CD47: variants seen among roughly 807,000 people sequenced by gnomAD.
The protein encoded by CD47 is leukocyte surface antigen CD47.
Under a neutral mutation model 44.6 loss-of-function variants are expected in CD47, and 11 were observed. The ratio of observed to expected loss-of-function variants is 0.25; its 90% CI spans 0.16 to 0.41. CD47 has a LOEUF of 0.41. Ranked by LOEUF, CD47 falls within the 10% of genes least tolerant of loss-of-function variation. The pLI, the probability that CD47 is intolerant of heterozygous loss-of-function variation, is 1.00. For synonymous variants in CD47, 140 were observed against 136.3 expected (o/e 1.03, Z -0.19); for missense variants, 306 against 386.7 (o/e 0.79, Z 1.75).
intron 1 of CD47, among the ~76,000 whole-genome samples, 181 bp from the exon 2 acceptor site, chr3:108,080,525 T>C (rs1577014692): frequency 6.6e-6 from 1 of 151,848 alleles, no homozygotes; most frequent in East Asian, 1.9e-4. Flanking sequence ...TAATATTAAC[T>C]TGCACAGCTG....
chr3:108,066,544 T>C (rs529675605), intron 3 of CD47, among the ~76,000 whole-genome samples: 3 of 152,372 alleles, frequency 2.0e-5, no homozygotes, highest in African/African-American at 7.2e-5. Context: ...GACTAGTCAC[T>C]GTACATCTGA....
chr3:108,086,936 T>C (rs1315309594), intron 1 of CD47, among the ~76,000 whole-genome samples: 1 of 152,158 alleles, frequency 6.6e-6, no homozygotes, highest in Non-Finnish European at 1.5e-5. Flanking sequence ...CTTCTGAAGC[T>C]GGATGACGGA....
At position 108,046,030 on chromosome 3, in the gene CD47, C is replaced by CA. The variant is rs1168318910; in HGVS notation, c.*1257dup. On this transcript the variant is annotated 3_prime_UTR_variant, in exon 11 of 11. Transcript: ENST00000361309. ...GTATGCACATACAAACACACATCCA[C>CA]AAACAGGTAAAAAACGAATGCTAAA... The CA allele has an allele frequency of 6.6e-6, 1 of 152,214 alleles. No individual in the cohort carries two copies. The highest frequency in any genetic ancestry group is 1.5e-5 in the Non-Finnish European group (1 of 68,044). The allele number at this position is 152,214 out of a possible 1,614,324, so 9.4% of individuals were successfully genotyped here.
chr3:108,088,635 C>A (rs12486124), intron 1 of CD47, among the ~76,000 whole-genome samples: 16,339 of 149,588 alleles, frequency 0.11, 1,514 homozygotes, highest in East Asian at 0.54. Flanking sequence ...AAAAAAAAAA[C>A]AACTCATTTT....
At chr3:108,087,154 C>T (rs1468804326) in intron 1 of CD47, among the ~76,000 whole-genome samples, 5 of 152,064 alleles carry the variant, frequency 3.3e-5, no homozygotes, top group Non-Finnish European at 7.4e-5. Context: ...AAGACACATG[C>T]CAGAAAGCAA....
At chr3:108,055,893 A>T (rs2078905502) in intron 7 of CD47, among the ~76,000 whole-genome samples, 1 of 152,182 alleles carries the variant, frequency 6.6e-6, no homozygotes, top group Non-Finnish European at 1.5e-5. Context: ...CATTGTCACC[A>T]GACCTGCTGG....
At position 108,044,562 on chromosome 3, in the gene CD47, T is replaced by C. The variant is rs1375219516; in HGVS notation, c.*2726A>G. 2.6e-5 allele frequency: 4 copies of C among 151,876 alleles called. No individual in the cohort carries two copies. Among genetic ancestry groups the C allele is most frequent in the South Asian group, 2.1e-4 (1 of 4,820 alleles). The allele number at this position is 151,876 out of a possible 1,614,324, so 9.4% of individuals were successfully genotyped here. A position where few individuals can be genotyped will look rare whatever the true frequency, so the allele number is the denominator to read the frequency against. Reference sequence around the variant, plus strand: ...ACTTATGTACCTAGCTTCTGATGTATGCAAAACACTGCAGGAAGAGAGAAT... The same window carrying C: ...ACTTATGTACCTAGCTTCTGATGTACGCAAAACACTGCAGGAAGAGAGAAT... On this transcript the variant is annotated 3_prime_UTR_variant, in exon 11 of 11. Coordinates refer to ENST00000361309, the MANE Select transcript of CD47 (RefSeq NM_001777.4).
At chr3:108,068,465 G>T (rs2079141229) in intron 3 of CD47, among the ~76,000 whole-genome samples, 1 of 152,142 alleles carries the variant, frequency 6.6e-6, no homozygotes, top group Non-Finnish European at 1.5e-5. Flanking sequence ...TCAACATTCT[G>T]CTCTCCTAAT....
intron 4 of CD47, among the ~76,000 whole-genome samples, chr3:108,059,815 T>C (rs1223243896): frequency 6.6e-6 from 1 of 152,206 alleles, no homozygotes; most frequent in African/African-American, 2.4e-5. Context: ...ATTCATCTTT[T>C]ACTGTTCCCT....
At chr3:108,048,965 A>G (rs2078771235) in intron 10 of CD47, among the ~76,000 whole-genome samples, 1 of 152,232 alleles carries the variant, frequency 6.6e-6, no homozygotes, top group South Asian at 2.1e-4. Flanking sequence ...AAATGCTTGT[A>G]GCACTCAATA....
At position 108,044,108 on chromosome 3, in the gene CD47, C is replaced by T. The variant is rs1478458964; in HGVS notation, c.*3180G>A. ...AGGAGTATGTGTTTCCATACATACA[C>T]CACAGATCCCCATTTTTGAATACCC... On this transcript the variant is annotated 3_prime_UTR_variant, in exon 11 of 11. Transcript: ENST00000361309. The T allele has an allele frequency of 6.6e-6, 1 of 152,616 alleles. No individual in the cohort carries two copies. The highest frequency in any genetic ancestry group is 2.4e-5 in the African/African-American group (1 of 41,448). 9.5% of individuals were successfully genotyped at this position (152,616 alleles called of 1,614,324 possible). A position where few individuals can be genotyped will look rare whatever the true frequency, so the allele number is the denominator to read the frequency against.
intron 3 of CD47, among the ~76,000 whole-genome samples, chr3:108,064,257 G>A (rs927738353): frequency 3.9e-5 from 6 of 152,322 alleles, no homozygotes; most frequent in Middle Eastern, 3.4e-3. Flanking sequence ...TAATGGGTGA[G>A]TGTGTGTGTT....
At chr3:108,067,829 G>A (rs566119175) in intron 3 of CD47, among the ~76,000 whole-genome samples, 1 of 152,262 alleles carries the variant, frequency 6.6e-6, no homozygotes, top group East Asian at 1.9e-4. Context: ...GTCTTCTCAG[G>A]CTTCTTCCTC....
In CD47 at chr3:108,071,129, C is replaced by A; in HGVS notation, c.454G>T (p.Ala152Ser). 6.7e-7 allele frequency: 1 copy of A among 1,502,250 alleles called. No individual in the cohort carries two copies. The highest frequency in any genetic ancestry group is 1.9e-5 in the Admixed American group (1 of 52,228). The allele number at this position is 1,502,250 out of a possible 1,614,324, so 93.1% of individuals were successfully genotyped here. ...NILIVIFPIF[A>S]ILLFWGQFGI... is the part of the protein sequence containing the mutation. ...AACTGTCCCCAGAACAGGAGTATAG[C>A]AAAAATTGGGAAAATAACAATAAGA... Residue 152 changes from alanine (A) to serine (S), a missense_variant, in exon 3 of 11, where the codon GCT (alanine) becomes TCT (serine). Around this residue, in one of 5 missense-constraint regions of CD47, gnomAD observed 65 missense variants for 119.9 expected, o/e 0.54. Transcript: ENST00000361309.
At chr3:108,085,843 T>C (rs905125935) in intron 1 of CD47, among the ~76,000 whole-genome samples, 1 of 152,180 alleles carries the variant, frequency 6.6e-6, no homozygotes, top group Non-Finnish European at 1.5e-5. Context: ...ATTTTTCTTC[T>C]GTATTTCAAG....
chr3:108,085,131 A>G (rs528248347), intron 1 of CD47, among the ~76,000 whole-genome samples: 1 of 152,146 alleles, frequency 6.6e-6, no homozygotes, highest in African/African-American at 2.4e-5. Flanking sequence ...CTAAGCTCCA[A>G]TCATAATGAC....
chr3:108,056,610 G>A (rs2078917022), intron 7 of CD47, among the ~76,000 whole-genome samples: 1 of 152,130 alleles, frequency 6.6e-6, no homozygotes, highest in Non-Finnish European at 1.5e-5. Flanking sequence ...ATTTTGATAG[G>A]TGGTTAAGAG....
intron 2 of CD47, among the ~76,000 whole-genome samples, chr3:108,074,356 C>T (rs936092845): frequency 5.9e-5 from 9 of 151,830 alleles, no homozygotes; most frequent in Admixed American, 1.3e-4. Flanking sequence ...CTCTGTTGCC[C>T]AGGCTGGAGT....
At chr3:108,048,390 T>C (rs1331849086) in intron 10 of CD47, among the ~76,000 whole-genome samples, 1 of 142,272 alleles carries the variant, frequency 7.0e-6, no homozygotes, top group Non-Finnish European at 1.5e-5. Flanking sequence ...TTTTTTTTTT[T>C]TTTTTTTTTC....
Sources: allele counts gnomAD v4.1 joint callset (sites outside exome capture counted in the v4.1 genomes callset), GRCh38; gene constraint gnomAD v4.1.1; regional missense constraint gnomAD v4.1.1; transcripts MANE v1.5; gene names NCBI Gene and HGNC (gene_info 2026-07-23, HGNC 2026-07-21).